CDC14A: variants seen among roughly 807,000 people sequenced by gnomAD.
CDC14A encodes the protein cell division cycle 14A, also known as dual specificity protein phosphatase CDC14A.
CDC14A carries 53 observed loss-of-function variants against 74.4 expected under a neutral mutation model. The ratio of observed to expected loss-of-function variants is 0.71; its 90% CI spans 0.57 to 0.89. The LOEUF is 0.89. Ranked by LOEUF, CDC14A falls within the 40% of genes least tolerant of loss-of-function variation. The pLI is 0.00. For synonymous variants in CDC14A, 247 were observed against 258.4 expected (o/e 0.96, Z 0.43); for missense variants, 646 against 713.7 (o/e 0.91, Z 1.08).
At chr1:100,359,495 G>T (rs993573139) in intron 2 of CDC14A, among the ~76,000 whole-genome samples, 1 of 152,160 alleles carries the variant, frequency 6.6e-6, no homozygotes, top group African/African-American at 2.4e-5. Flanking sequence ...GGGTGGTGAT[G>T]GCTCTTGGGG....
rs1650418128 is a variant in CDC14A, at chr1:100,518,429, A to G, written c.*149A>G. ...AAAGAGCACTAAGATAACACCTTCA[A>G]GAGACTTGAAAACAGAAAACTGGTT... On this transcript the variant is annotated 3_prime_UTR_variant, in exon 16 of 16. Coordinates refer to ENST00000336454, the MANE Select transcript of CDC14A (RefSeq NM_003672.4). 1.6e-6 allele frequency: 1 copy of G among 613,106 alleles called. No homozygotes were observed. Among genetic ancestry groups the G allele is most frequent in the African/African-American group, 1.9e-5 (1 of 53,462 alleles). 38.0% of individuals were successfully genotyped at this position (613,106 alleles called of 1,614,324 possible). A position where few individuals can be genotyped will look rare whatever the true frequency, so the allele number is the denominator to read the frequency against.
At chr1:100,407,762 C>T (rs925161403) in intron 4 of CDC14A, among the ~76,000 whole-genome samples, 4 of 151,998 alleles carry the variant, frequency 2.6e-5, no homozygotes, top group Admixed American at 6.6e-5. Flanking sequence ...GTGTCTCACT[C>T]GTATTTGTAT....
chr1:100,393,642 C>T (rs919701863), intron 4 of CDC14A: 2 of 601,448 alleles, frequency 3.3e-6, no homozygotes, highest in African/African-American at 3.6e-5. Context: ...GGCTTCATAA[C>T]CTTGATCAAA....
intron 10 of CDC14A, among the ~76,000 whole-genome samples, chr1:100,477,739 C>T (rs898158819): frequency 1.3e-5 from 2 of 152,048 alleles, no homozygotes; most frequent in Non-Finnish European, 2.9e-5. Context: ...AGGGTAAAAA[C>T]GTTTTCTGTT....
At position 100,496,303 on chromosome 1, in the gene CDC14A, C is replaced by G. The variant is rs1647806993; in HGVS notation, c.1298+254C>G. On this transcript the variant is annotated intron_variant, in intron 13 of 15. Coordinates refer to ENST00000336454, the MANE Select transcript of CDC14A (RefSeq NM_003672.4). ...ATCAATGTATTTTGTGCTCTTAGCA[C>G]ATTGTGGAGGGGGGTCTCTAAGAAA... Among the ~76,000 whole-genome samples the G allele has an allele frequency of 3.3e-5, 5 of 151,236 alleles. No homozygotes were observed. In the South Asian group the frequency reaches 1.0e-3, roughly 31 times the overall value.
At chr1:100,399,226 A>C (rs1658935398) in intron 4 of CDC14A, among the ~76,000 whole-genome samples, 1 of 152,130 alleles carries the variant, frequency 6.6e-6, no homozygotes, top group South Asian at 2.1e-4. Flanking sequence ...ATGTTTTGCC[A>C]TTTTGCTATT....
intron 7 of CDC14A, among the ~76,000 whole-genome samples, chr1:100,447,824 G>GT (rs1464383148): frequency 6.6e-6 from 1 of 152,132 alleles, no homozygotes. Context: ...GCTTTCTTCT[G>GT]TTTTTTTGGG....
intron 2 of CDC14A, among the ~76,000 whole-genome samples, chr1:100,376,798 A>G (rs1032062451): frequency 4.6e-5 from 7 of 152,302 alleles, no homozygotes; most frequent in Non-Finnish European, 7.3e-5. Context: ...AAAAAATACC[A>G]CTGGATTTAA....
chr1:100,408,202 A>T (rs541433085), intron 4 of CDC14A, among the ~76,000 whole-genome samples: 11 of 152,332 alleles, frequency 7.2e-5, no homozygotes, highest in African/African-American at 2.6e-4. Flanking sequence ...TTTGCTAAGG[A>T]TTATGGCCTC....
At chr1:100,455,256 A>T (rs1351997770) in intron 7 of CDC14A, 149 bp from the exon 8 acceptor site, 1 of 593,516 alleles carries the variant, frequency 1.7e-6, no homozygotes, top group Non-Finnish European at 3.0e-6. Context: ...TTTGAGAATC[A>T]GGTGCATGTT....
intron 4 of CDC14A, among the ~76,000 whole-genome samples, chr1:100,398,233 G>A (rs567201584): frequency 4.6e-5 from 7 of 152,180 alleles, no homozygotes; most frequent in Non-Finnish European, 2.9e-5. Flanking sequence ...TGGCAGGGAA[G>A]CTGTGTGGCC....
intron 4 of CDC14A, among the ~76,000 whole-genome samples, chr1:100,422,944 A>T (rs930150449): frequency 1.3e-5 from 2 of 152,044 alleles, no homozygotes; most frequent in African/African-American, 2.4e-5. Context: ...AAGAACCAAG[A>T]CTCTGCCATT....
intron 4 of CDC14A, among the ~76,000 whole-genome samples, chr1:100,391,488 A>G (rs1657691284): frequency 6.6e-6 from 1 of 152,186 alleles, no homozygotes; most frequent in Non-Finnish European, 1.5e-5. Flanking sequence ...ATTGGGCAAA[A>G]GCTTAGAAAG....
In CDC14A at chr1:100,408,441, G is replaced by A. The variant is rs187651966; in HGVS notation, c.310-15781G>A. Among the ~76,000 whole-genome samples, 421 of 152,250 alleles carry A rather than the reference G, an allele frequency of 2.8e-3. 3 individuals carry two copies. Among genetic ancestry groups the A allele is most frequent in the African/African-American group, 9.8e-3 (407 of 41,538 alleles). On this transcript the variant is annotated intron_variant, in intron 4 of 15. Coordinates refer to ENST00000336454, the MANE Select transcript of CDC14A (RefSeq NM_003672.4). ...CCTTTAGGTATATACTCAGTAATAC[G>A]ATTGCTGGGTTGAATGGTATTTCTG...
intron 4 of CDC14A, among the ~76,000 whole-genome samples, chr1:100,419,277 G>T (rs1661954431): frequency 6.6e-6 from 1 of 152,208 alleles, no homozygotes; most frequent in South Asian, 2.1e-4. Context: ...ACGTGATGGA[G>T]AGGCCAAGGT....
intron 4 of CDC14A, among the ~76,000 whole-genome samples, chr1:100,394,778 A>G (rs1402234174): frequency 6.6e-6 from 1 of 152,236 alleles, no homozygotes; most frequent in African/African-American, 2.4e-5. Context: ...CAAACCCTTA[A>G]TACACACGGA....
chr1:100,442,408 TTC>T (rs1665053305), intron 6 of CDC14A, among the ~76,000 whole-genome samples: 1 of 146,950 alleles, frequency 6.8e-6, no homozygotes. Context: ...AATATATATA[TTC>T]TCTCATCAAA....
Position 100,390,711 on chromosome 1 carries a change from CTT to C in CDC14A, c.217-17_217-16del, listed in dbSNP as rs777222568. On this transcript the variant is annotated intron_variant, in intron 3 of 15. Transcript: ENST00000336454. ...CTTTGTCTCTATGGTTACACTAACT[CTT>C]TTTATCTCCTCTTTCTAGTCATACA... The C allele has an allele frequency of 1.3e-6, 2 of 1,503,766 alleles. No individual in the cohort carries two copies. The highest frequency in any genetic ancestry group is 2.8e-5 in the African/African-American group (2 of 72,480). 93.2% of individuals were successfully genotyped at this position (1,503,766 alleles called of 1,614,324 possible). A position where few individuals can be genotyped will look rare whatever the true frequency, so the allele number is the denominator to read the frequency against.
In CDC14A at chr1:100,405,633, G is replaced by C; in HGVS notation, c.309+14809G>C. On this transcript the variant is annotated intron_variant, in intron 4 of 15. Coordinates refer to ENST00000336454, the MANE Select transcript of CDC14A (RefSeq NM_003672.4). Reference sequence around the variant, plus strand: ...TTATGAGTGAGAACATGCAGTGTTTGGTTTTTTGCTCCTGTGTTACTTTGC... The same window carrying C: ...TTATGAGTGAGAACATGCAGTGTTTCGTTTTTTGCTCCTGTGTTACTTTGC... Among the ~76,000 whole-genome samples, 2 of 152,164 alleles carry C rather than the reference G, an allele frequency of 1.3e-5. 1 individual carries two copies. The highest frequency in any genetic ancestry group is 2.9e-5 in the Non-Finnish European group (2 of 68,020).
Sources: gnomAD v4.1 joint callset for allele counts (sites outside exome capture counted in the v4.1 genomes callset) on GRCh38, gnomAD v4.1.1 for gene constraint, MANE v1.5 for transcripts, NCBI Gene and HGNC (gene_info 2026-07-23, HGNC 2026-07-21) for gene names.